KDM3B: variants seen among roughly 807,000 people sequenced by gnomAD.
KDM3B encodes the protein lysine-specific demethylase 3B.
In KDM3B, 10 loss-of-function variants were observed where a neutral mutation model predicts 170.0. The ratio of observed to expected loss-of-function variants is 0.06; its 90% CI spans 0.04 to 0.10. The LOEUF (loss-of-function observed/expected upper bound fraction) is 0.10, where lower values mean the gene tolerates loss of function less well. Ranked by LOEUF, KDM3B falls within the 10% of genes least tolerant of loss-of-function variation. KDM3B has a pLI of 1.00. For missense variants in KDM3B, 1,394 were observed against 2,195.2 expected, an observed-to-expected ratio of 0.64 and a Z score of 7.29; for synonymous variants, 831 against 834.8, an observed-to-expected ratio of 1.00 and a Z score of 0.08.
In KDM3B at chr5:138,391,716, C is replaced by A; in HGVS notation, c.2084C>A (p.Thr695Lys). ...GCAAAGAAGAAACCCCTCTTCATTA[C>A]AACTGACTCCTCCAAGCTAGTATCT... Reference protein sequence around the residue: ...SLAKKKPLFITTDSSKLVSGV... With the variant: ...SLAKKKPLFIKTDSSKLVSGV... The change falls in exon 8 of 24, where the codon ACA (threonine) becomes AAA (lysine). Residue 695 changes from threonine (T) to lysine (K), a missense_variant. Coordinates refer to ENST00000314358, the MANE Select transcript of KDM3B (RefSeq NM_016604.4). The surrounding 1 kb of genome is among the most constrained non-coding windows in gnomAD (Gnocchi z 5.0). The A allele has an allele frequency of 6.2e-7, 1 of 1,614,112 alleles. No homozygotes were observed.
At chr5:138,427,350 G>T in intron 19 of KDM3B, 31 bp downstream of exon 19, 1 of 1,593,052 alleles carries the variant, frequency 6.3e-7, no homozygotes, top group Non-Finnish European at 8.6e-7. Flanking sequence ...TTGCTCTTTT[G>T]GGGGACTGTT....
chr5:138,352,785 C>A lies in KDM3B; in HGVS notation c.-11C>A. 7.9e-7 allele frequency: 1 copy of A among 1,266,706 alleles called. No individual in the cohort carries two copies. 78.5% of individuals were successfully genotyped at this position (1,266,706 alleles called of 1,614,324 possible). On this transcript the variant is annotated 5_prime_UTR_variant, in exon 1 of 24. Coordinates refer to ENST00000314358, the MANE Select transcript of KDM3B (RefSeq NM_016604.4). ...CGGCGGGCGGGAGCGCGGGTCAGGCCGGCCCCGGCGATGGCGGACGCGGCG... is the reference window on the plus strand; with the variant it reads ...CGGCGGGCGGGAGCGCGGGTCAGGCAGGCCCCGGCGATGGCGGACGCGGCG...
rs906979289 is a variant in KDM3B, at chr5:138,372,821, A to G, written c.340A>G (p.Ile114Val). 1.2e-6 allele frequency: 2 copies of G among 1,614,088 alleles called. No homozygotes were observed. The highest frequency in any genetic ancestry group is 1.7e-5 in the Admixed American group (1 of 60,014). The change falls in exon 2 of 24, where the codon ATT (isoleucine) becomes GTT (valine). Residue 114 changes from isoleucine to valine, a missense_variant. Around this residue, in one of 19 missense-constraint regions of KDM3B, gnomAD observed 166 missense variants for 216.4 expected, o/e 0.77. Coordinates refer to ENST00000314358, the MANE Select transcript of KDM3B (RefSeq NM_016604.4). ...CCTTCTCCAGGGCATTCGAGTCTCCATTGCACAATGGCCAGCCCTGGTGAG... is the reference window on the plus strand; with the variant it reads ...CCTTCTCCAGGGCATTCGAGTCTCCGTTGCACAATGGCCAGCCCTGGTGAG... ...PVLLQGIRVS[I>V]AQWPALTFTP...
At chr5:138,405,379 T>A (rs1038841768) in intron 11 of KDM3B, among the ~76,000 whole-genome samples, 5 of 152,156 alleles carry the variant, frequency 3.3e-5, no homozygotes, top group African/African-American at 4.8e-5. Context: ...TGGTGACACA[T>A]GCCTGTGGTC....
intron 11 of KDM3B, 69 bp from the exon 12 acceptor site, chr5:138,415,063 A>AAC: frequency 2.8e-6 from 3 of 1,088,856 alleles, no homozygotes; most frequent in Non-Finnish European, 4.0e-6. Flanking sequence ...GGGGTTCTGA[A>AAC]ACTCCATTCA....
At chr5:138,382,914 T>TA (rs1414483396) in intron 6 of KDM3B, among the ~76,000 whole-genome samples, 1 of 152,184 alleles carries the variant, frequency 6.6e-6, no homozygotes, top group Non-Finnish European at 1.5e-5. Context: ...TTCCTTTCCT[T>TA]ATTTCATTCC....
chr5:138,386,256 G>C lies in KDM3B; in HGVS notation c.1015G>C (p.Ala339Pro). 1.2e-6 allele frequency: 2 copies of C among 1,614,162 alleles called. No homozygotes were observed. Among genetic ancestry groups the C allele is most frequent in the South Asian group, 2.2e-5 (2 of 91,080 alleles). ...ASGEPGLDQR[A>P]KQPPSTFVPQ... ...TGGAGAGCCAGGGCTGGATCAGAGA[G>C]CCAAGCAGCCACCGTCTACATTTGT... The change falls in exon 7 of 24, where the codon GCC becomes CCC. Residue 339 changes from alanine (A) to proline (P), a missense_variant. Coordinates refer to ENST00000314358, the MANE Select transcript of KDM3B (RefSeq NM_016604.4).
intron 11 of KDM3B, among the ~76,000 whole-genome samples, chr5:138,407,776 A>G (rs1580930422): frequency 6.6e-6 from 1 of 152,100 alleles, no homozygotes; most frequent in African/African-American, 2.4e-5. Context: ...GAGGAGCCCT[A>G]CCTGCTGTTC....
At chr5:138,405,980 A>T (rs1431283726) in intron 11 of KDM3B, among the ~76,000 whole-genome samples, 3 of 152,236 alleles carry the variant, frequency 2.0e-5, no homozygotes, top group African/African-American at 7.2e-5. Flanking sequence ...AGTAAGTCCA[A>T]AATGGGAAAC....
chr5:138,404,475 A>C (rs1199580927), intron 11 of KDM3B, among the ~76,000 whole-genome samples: 2 of 151,996 alleles, frequency 1.3e-5, no homozygotes, highest in Non-Finnish European at 2.9e-5. Context: ...TAAAAATACA[A>C]AATTAGCCGG....
chr5:138,358,302 C>CTTTTTTTT (rs201804669), intron 1 of KDM3B, among the ~76,000 whole-genome samples: 9 of 109,802 alleles, frequency 8.2e-5, no homozygotes, highest in Non-Finnish European at 1.3e-4. Context: ...TTCTTTCTTT[C>CTTTTTTTT]TTTCTTTTTT....
At chr5:138,387,297 ATATAT>A (rs1224931746) in intron 7 of KDM3B, among the ~76,000 whole-genome samples, 1 of 152,186 alleles carries the variant, frequency 6.6e-6, no homozygotes, top group African/African-American at 2.4e-5. Flanking sequence ...AATCAGTATA[ATATAT>A]TCTTTTTGAC....
intron 1 of KDM3B, among the ~76,000 whole-genome samples, chr5:138,363,958 C>T (rs1187468014): frequency 1.3e-5 from 2 of 149,994 alleles, no homozygotes; most frequent in African/African-American, 4.9e-5. Context: ...ACTCTGTCGC[C>T]TAGGCTAGAG....
At chr5:138,421,642 G>GC (rs1189591609) in intron 15 of KDM3B, among the ~76,000 whole-genome samples, 1 of 152,126 alleles carries the variant, frequency 6.6e-6, no homozygotes, top group Non-Finnish European at 1.5e-5. Flanking sequence ...CAACACAGTA[G>GC]CTAGAGAGGT....
rs1554128064 is a variant in KDM3B at position 138,388,653 on chromosome 5, A to AAC, written c.1380+2033_1380+2034insCA. On this transcript the variant is annotated intron_variant, in intron 7 of 23. Transcript: ENST00000314358. ...GAGACTCCGTCTTTAAAAAAAAAAAAAAAAAAAAAAAGGCTGGGCTTGGTG... is the reference window on the plus strand; with the variant it reads ...GAGACTCCGTCTTTAAAAAAAAAAAAACAAAAAAAAAAAGGCTGGGCTTGGTG... Among the ~76,000 whole-genome samples, 78 of 144,364 alleles carry AAC rather than the reference A, an allele frequency of 5.4e-4. 1 individual carries two copies. The highest frequency in any genetic ancestry group is 1.6e-3 in the Admixed American group (23 of 14,172). The allele number at this position is 144,364 out of a possible 152,430, so 94.7% of individuals were successfully genotyped here.
In KDM3B at chr5:138,430,164, A is replaced by G. The variant is rs1177827976; in HGVS notation, c.4894-85A>G. ...AATAAAGTTTTGCCATCCCCACCCC[A>G]TCTTAGGACATTGCTGCAGCAAGTT... On this transcript the variant is annotated intron_variant, in intron 21 of 23. Coordinates refer to ENST00000314358, the MANE Select transcript of KDM3B (RefSeq NM_016604.4). The G allele has an allele frequency of 2.7e-6, 4 of 1,481,846 alleles. No individual in the cohort carries two copies. The African/African-American group carries it at 4.2e-5, about 16-fold the overall frequency. The allele number at this position is 1,481,846 out of a possible 1,614,324, so 91.8% of individuals were successfully genotyped here. A position where few individuals can be genotyped will look rare whatever the true frequency, so the allele number is the denominator to read the frequency against.
intron 1 of KDM3B, among the ~76,000 whole-genome samples, chr5:138,365,152 G>T (rs1157271904): frequency 6.6e-6 from 1 of 152,042 alleles, no homozygotes; most frequent in Non-Finnish European, 1.5e-5. Context: ...TAGGAGCCTT[G>T]GAAAGTTATC....
At chr5:138,357,115 T>C (rs1761470000) in intron 1 of KDM3B, among the ~76,000 whole-genome samples, 1 of 150,798 alleles carries the variant, frequency 6.6e-6, no homozygotes, top group African/African-American at 2.4e-5. Context: ...CAAGCAATCC[T>C]CCCAGGGACT....
intron 1 of KDM3B, among the ~76,000 whole-genome samples, chr5:138,367,010 C>G (rs1229203855): frequency 6.6e-6 from 1 of 152,188 alleles, no homozygotes. Context: ...TGCCTTTGTA[C>G]CTGCTGGAAA....
Sources: allele counts gnomAD v4.1 joint callset (sites outside exome capture counted in the v4.1 genomes callset), GRCh38; gene constraint gnomAD v4.1.1; regional missense constraint gnomAD v4.1.1; non-coding constraint Gnocchi (gnomAD v3.1); transcripts MANE v1.5; gene names NCBI Gene and HGNC (gene_info 2026-07-23, HGNC 2026-07-21).